Variants in CEP120 observed in about 807,000 individuals in gnomAD.
CEP120 encodes centrosomal protein of 120 kDa.
In CEP120, 113 loss-of-function variants were observed where a neutral mutation model predicts 126.5. The observed-to-expected ratio is 0.89, with a 90% CI of 0.77 to 1.04. CEP120 has a LOEUF of 1.04. CEP120 is among the 50% of genes least tolerant of loss of function. The pLI is 0.00. For missense variants in CEP120, 1,230 were observed against 1,155.7 expected (o/e 1.06, Z -0.93); for synonymous variants, 400 against 394.3 (o/e 1.01, Z -0.17).
At chr5:123,364,658 A>G (rs1770328007) in intron 17 of CEP120, 64 bp from the exon 18 acceptor site, 1 of 878,024 alleles carries the variant, frequency 1.1e-6, no homozygotes, top group African/African-American at 1.7e-5. Flanking sequence ...ACTGAAAGAT[A>G]ATATATACAA....
chr5:123,396,472 T>G lies in CEP120; in HGVS notation c.612+2664A>C, dbSNP rs141220930. Among the ~76,000 whole-genome samples, 383 of 152,194 alleles carry G rather than the reference T, an allele frequency of 2.5e-3. 2 individuals carry two copies. Among genetic ancestry groups the G allele is most frequent in the African/African-American group, 8.8e-3 (364 of 41,532 alleles). ...TGAAACAGTAATTTGTCCCAGTAAT[T>G]CACCTGTATTACCAAGAACTGTATT... On this transcript the variant is annotated intron_variant, in intron 5 of 19. Transcript: ENST00000306467.
intron 18 of CEP120, among the ~76,000 whole-genome samples, chr5:123,359,570 A>G (rs1052459385): frequency 6.6e-5 from 10 of 152,064 alleles, no homozygotes; most frequent in Non-Finnish European, 1.3e-4. Context: ...GAAAAAAAGC[A>G]AACTAAATTA....
intron 14 of CEP120, among the ~76,000 whole-genome samples, chr5:123,379,123 T>TTAAGACAAAAAC (rs1332991850): frequency 6.6e-6 from 1 of 152,022 alleles, no homozygotes; most frequent in Non-Finnish European, 1.5e-5. Flanking sequence ...GGATTGTTTG[T>TTAAGACAAAAAC]TAAGACAAAA....
chr5:123,359,832 T>TA (rs1195934570), intron 18 of CEP120, among the ~76,000 whole-genome samples: 2 of 152,048 alleles, frequency 1.3e-5, no homozygotes, highest in Non-Finnish European at 2.9e-5. Context: ...AATTCACAAA[T>TA]AGACTATCCT....
At chr5:123,423,786 A>G (rs1350559471), upstream of CEP120, among the ~76,000 whole-genome samples, 2 of 152,220 alleles carry the variant, frequency 1.3e-5, no homozygotes, top group African/African-American at 4.8e-5. Flanking sequence ...TCTAAACTCT[A>G]AAGTCCCTAA....
intron 5 of CEP120, among the ~76,000 whole-genome samples, chr5:123,394,287 T>C (rs2127078082): frequency 6.6e-6 from 1 of 152,252 alleles, no homozygotes; most frequent in Non-Finnish European, 1.5e-5. Flanking sequence ...CAGGGACTGG[T>C]TTCGTGGAAG....
chr5:123,380,463 C>T (rs1771558791), intron 14 of CEP120, among the ~76,000 whole-genome samples: 1 of 151,894 alleles, frequency 6.6e-6, no homozygotes. Flanking sequence ...TATTAACTAG[C>T]CAGGAACTCA....
chr5:123,378,771 G>C (rs1771437939), intron 14 of CEP120, among the ~76,000 whole-genome samples: 1 of 152,062 alleles, frequency 6.6e-6, no homozygotes, highest in Non-Finnish European at 1.5e-5. Context: ...CGCATATGTA[G>C]TGTAAGCAAC....
At chr5:123,394,820 C>A (rs925534237) in intron 5 of CEP120, among the ~76,000 whole-genome samples, 2 of 152,210 alleles carry the variant, frequency 1.3e-5, no homozygotes, top group Non-Finnish European at 2.9e-5. Flanking sequence ...TTGTTACAAT[C>A]ACAAATTCTG....
intron 16 of CEP120, among the ~76,000 whole-genome samples, chr5:123,376,957 T>G (rs1193182367): frequency 6.6e-6 from 1 of 151,982 alleles, no homozygotes; most frequent in Non-Finnish European, 1.5e-5. Flanking sequence ...GATGTGGAAG[T>G]TGAGAAGAGA....
chr5:123,412,099 C>T (rs1774095921), intron 4 of CEP120, among the ~76,000 whole-genome samples: 1 of 152,192 alleles, frequency 6.6e-6, no homozygotes, highest in African/African-American at 2.4e-5. Flanking sequence ...ACAGCATGAT[C>T]ATTTTGGGCT....
intron 1 of CEP120, among the ~76,000 whole-genome samples, chr5:123,421,012 T>G (rs902406234): frequency 2.6e-5 from 4 of 152,194 alleles, no homozygotes; most frequent in Non-Finnish European, 5.9e-5. Context: ...ATGCTAGTTT[T>G]GGGTATGTTT....
chr5:123,411,247 C>T (rs58039148), intron 4 of CEP120, among the ~76,000 whole-genome samples: 7 of 152,098 alleles, frequency 4.6e-5, no homozygotes, highest in East Asian at 1.9e-4. Context: ...CCAAATAGCA[C>T]GGCCACTTTG....
intron 10 of CEP120, 41 bp from the exon 11 acceptor site, chr5:123,385,174 G>A (rs1000593299): frequency 2.1e-6 from 3 of 1,462,876 alleles, no homozygotes; most frequent in Non-Finnish European, 2.7e-6. Flanking sequence ...TATCAACTCT[G>A]ACCTAAAGTC....
At position 123,382,350 on chromosome 5, in the gene CEP120, G is replaced by T. The variant is rs11950066; in HGVS notation, c.2014-150C>A. On this transcript the variant is annotated intron_variant, in intron 13 of 19. Transcript: ENST00000306467. ...TAAAAAAAAAAAAAAAAAAAAGGAG[G>T]ATGCCTGAGGCAAATAATGCCCATT... 170,083 of 432,668 alleles carry T rather than the reference G, an allele frequency of 0.39. 38,273 individuals carry two copies. Among genetic ancestry groups the T allele is most frequent in the South Asian group, 0.44 (11,653 of 26,454 alleles). The allele number at this position is 432,668 out of a possible 1,614,324, so 26.8% of individuals were successfully genotyped here.
At chr5:123,369,042 C>T (rs1770670484) in intron 17 of CEP120, among the ~76,000 whole-genome samples, 2 of 151,700 alleles carry the variant, frequency 1.3e-5, no homozygotes, top group Non-Finnish European at 2.9e-5. Flanking sequence ...TGTTCTAAGG[C>T]ATTCAAGAAA....
intron 1 of CEP120, among the ~76,000 whole-genome samples, chr5:123,419,922 C>T (rs1427626690): frequency 1.3e-5 from 2 of 152,112 alleles, no homozygotes; most frequent in Non-Finnish European, 2.9e-5. Context: ...GTTTATAAAT[C>T]TGTTAAGGTG....
chr5:123,421,306 A>C (rs1774696593), intron 1 of CEP120, among the ~76,000 whole-genome samples: 1 of 152,130 alleles, frequency 6.6e-6, no homozygotes, highest in Non-Finnish European at 1.5e-5. Context: ...GGCACAAGCT[A>C]CTTGGTTGGG....
chr5:123,401,359 C>T lies in CEP120; in HGVS notation c.464-2075G>A, dbSNP rs184259974. Reference sequence around the variant, plus strand: ...CTGCAATGGCGGCCTCCAGGAAAGCCCTCTGGCCTTTGAGGCCCTCATTCT... The same window carrying T: ...CTGCAATGGCGGCCTCCAGGAAAGCTCTCTGGCCTTTGAGGCCCTCATTCT... On this transcript the variant is annotated intron_variant, in intron 4 of 19. Coordinates refer to ENST00000306467, the MANE Select transcript of CEP120 (RefSeq NM_001375405.1). 9.1e-4 allele frequency: 1,427 copies of T among 1,576,332 alleles called. 9 individuals carry two copies. The African/African-American group carries it at 0.014, about 16-fold the overall frequency.
Sources: gnomAD v4.1 joint callset for allele counts (sites outside exome capture counted in the v4.1 genomes callset) on GRCh38, gnomAD v4.1.1 for gene constraint, MANE v1.5 for transcripts, NCBI Gene and HGNC (gene_info 2026-07-23, HGNC 2026-07-21) for gene names.